The following FAT2 variants were observed in gnomAD, a reference collection of about 807,000 sequenced individuals.
FAT2 encodes protocadherin Fat 2.
Under a neutral mutation model 295.3 loss-of-function variants are expected in FAT2, and 150 were observed. The observed-to-expected ratio is 0.51, with a 90% confidence interval of 0.44 to 0.58. The LOEUF (loss-of-function observed/expected upper bound fraction) is 0.58. Among genes scored for constraint, FAT2 ranks in the 20% least tolerant of loss-of-function variants. The pLI is 0.00. For missense variants in FAT2, 4,868 were observed against 5,442.7 expected (o/e 0.89, Z 3.32); for synonymous variants, 2,026 against 2,150.3 (o/e 0.94, Z 1.60).
chr5:151,534,801 C>T (rs1287975272), intron 12 of FAT2, among the ~76,000 whole-genome samples, 159 bp from the exon 13 acceptor site: 1 of 151,674 alleles, frequency 6.6e-6, no homozygotes, highest in Admixed American at 6.6e-5. Flanking sequence ...CCTGTATCCC[C>T]CCATACCCAT....
chr5:151,523,814 T>C (rs6860047), intron 18 of FAT2, among the ~76,000 whole-genome samples: 102,445 of 151,934 alleles, frequency 0.67, 34,942 homozygotes, highest in East Asian at 0.92. Context: ...TGGGAAATAA[T>C]GTGCAAAACA....
chr5:151,513,319 A>C (rs1464827010), intron 20 of FAT2, among the ~76,000 whole-genome samples: 1 of 152,230 alleles, frequency 6.6e-6, no homozygotes, highest in Non-Finnish European at 1.5e-5. Flanking sequence ...CACTTTTCAC[A>C]ATAGCAAAGA....
At position 151,527,984 on chromosome 5, in the gene FAT2, C is replaced by G; in HGVS notation, c.10164+12G>C. 6.2e-7 allele frequency: 1 copy of G among 1,613,484 alleles called. No homozygotes were observed. Among genetic ancestry groups the G allele is most frequent in the Non-Finnish European group, 8.5e-7 (1 of 1,179,820 alleles). On this transcript the variant is annotated intron_variant, in intron 16 of 23. Transcript: ENST00000261800. Reference sequence around the variant, plus strand: ...TAATGAGCTCAGGGTGCGCCCCTCCCACATGACTCACCTGTTCCCGGTCCA... The same window carrying G: ...TAATGAGCTCAGGGTGCGCCCCTCCGACATGACTCACCTGTTCCCGGTCCA...
At chr5:151,525,736 G>A in intron 18 of FAT2, 32 bp downstream of exon 18, 1 of 1,612,032 alleles carries the variant, frequency 6.2e-7, no homozygotes, top group Non-Finnish European at 8.5e-7. Context: ...CTGTCCCCAT[G>A]GTCACCACCA....
At chr5:151,556,669 G>A (rs1757719321) in intron 3 of FAT2, among the ~76,000 whole-genome samples, 2 of 152,122 alleles carry the variant, frequency 1.3e-5, no homozygotes, top group African/African-American at 4.8e-5. Flanking sequence ...AAATACTGAA[G>A]TATTGAGTAC....
At position 151,504,602 on chromosome 5, in the gene FAT2, A is replaced by G. The variant is rs1439286322; in HGVS notation, c.*963T>C. 1 of 152,670 alleles carries G rather than the reference A, an allele frequency of 6.6e-6. No individual in the cohort carries two copies. The highest frequency in any genetic ancestry group is 1.5e-5 in the Non-Finnish European group (1 of 68,044). 9.5% of individuals were successfully genotyped at this position (152,670 alleles called of 1,614,324 possible). A position where few individuals can be genotyped will look rare whatever the true frequency, so the allele number is the denominator to read the frequency against. Reference sequence around the variant, plus strand: ...TCCCTGCTTCCAACCGGCCCTAAATAGGAGTTCAGACTTCCTTGTGTCTAG... The same window carrying G: ...TCCCTGCTTCCAACCGGCCCTAAATGGGAGTTCAGACTTCCTTGTGTCTAG... On this transcript the variant is annotated 3_prime_UTR_variant, in exon 24 of 24. Coordinates refer to ENST00000261800, the MANE Select transcript of FAT2 (RefSeq NM_001447.3).
At chr5:151,532,026 C>CT in intron 13 of FAT2, 56 bp from the exon 14 acceptor site, 3 of 1,585,582 alleles carry the variant, frequency 1.9e-6, no homozygotes, top group Non-Finnish European at 2.6e-6. Context: ...CTGGACCTGC[C>CT]TGCAGCAAAC....
At position 151,514,319 on chromosome 5, in the gene FAT2, C is replaced by T. The variant is rs78079628; in HGVS notation, c.11464-1713G>A. ...TGGGACCACAAATCTGTTGATCCCACCGTCTTTTCATTGTCTCCCACCTCT... is the reference window on the plus strand; with the variant it reads ...TGGGACCACAAATCTGTTGATCCCATCGTCTTTTCATTGTCTCCCACCTCT... On this transcript the variant is annotated intron_variant, in intron 20 of 23. Transcript: ENST00000261800. Among the ~76,000 whole-genome samples, 566 of 152,272 alleles carry T rather than the reference C, an allele frequency of 3.7e-3. 1 individual carries two copies. The highest frequency in any genetic ancestry group is 0.013 in the African/African-American group (540 of 41,534).
Position 151,566,274 on chromosome 5 carries a change from C to T in FAT2, c.2658G>A (p.Glu886=), listed in dbSNP as rs1758258134. 1.2e-6 allele frequency: 2 copies of T among 1,614,134 alleles called. No homozygotes were observed. The highest frequency in any genetic ancestry group is 4.5e-5 in the East Asian group (2 of 44,882). ...CCTCCACCTTGAGTATGTACCGAGG[C>T]TCTGATTCGCGGTCCAGGTGTCCTG... The part of the protein sequence containing the change: ...VVTGHLDRES[E]PRYILKVEAR... The change falls in exon 2 of 24, where the codon GAG becomes GAA. Residue 886 remains glutamate, a synonymous_variant. Coordinates refer to ENST00000261800, the MANE Select transcript of FAT2 (RefSeq NM_001447.3).
At chr5:151,581,309 C>A (rs895395309) in intron 1 of FAT2, among the ~76,000 whole-genome samples, 1 of 152,208 alleles carries the variant, frequency 6.6e-6, no homozygotes, top group Non-Finnish European at 1.5e-5. Flanking sequence ...CTTGAGGTAG[C>A]TGCTGTGATG....
chr5:151,512,669 G>T lies in FAT2; in HGVS notation c.11464-63C>A. The T allele has an allele frequency of 7.1e-7, 1 of 1,405,150 alleles. No individual in the cohort carries two copies. The highest frequency in any genetic ancestry group is 1.4e-5 in the African/African-American group (1 of 69,460). The allele number at this position is 1,405,150 out of a possible 1,614,324, so 87.0% of individuals were successfully genotyped here. A position where few individuals can be genotyped will look rare whatever the true frequency, so the allele number is the denominator to read the frequency against. ...GGAGTCCTTGTAAACCTGCTAAGAGGCTGCCAGTTCAAAGAATGTTGTTTG... is the reference window on the plus strand; with the variant it reads ...GGAGTCCTTGTAAACCTGCTAAGAGTCTGCCAGTTCAAAGAATGTTGTTTG... On this transcript the variant is annotated intron_variant, in intron 20 of 23. Transcript: ENST00000261800. This position sits in a 1 kb window ranked among gnomAD's most constrained non-coding sequence, Gnocchi z 4.1.
chr5:151,511,851 GAGA>G, intron 21 of FAT2: 2 of 310,350 alleles, frequency 6.4e-6, no homozygotes. Flanking sequence ...AAAGGGGAAT[GAGA>G]AGGAGACTGT....
chr5:151,538,322 G>A (rs1755702070), intron 11 of FAT2, among the ~76,000 whole-genome samples: 1 of 152,212 alleles, frequency 6.6e-6, no homozygotes, highest in African/African-American at 2.4e-5. Context: ...GGAGAAGGAA[G>A]GCAAGATGGG....
intron 12 of FAT2, among the ~76,000 whole-genome samples, 171 bp downstream of exon 12, chr5:151,537,622 A>C (rs1356848872): frequency 6.6e-6 from 1 of 152,256 alleles, no homozygotes; most frequent in Non-Finnish European, 1.5e-5. Context: ...ATCTTGTCTT[A>C]TCAATCTATT....
chr5:151,524,780 T>C (rs6865697), intron 18 of FAT2, among the ~76,000 whole-genome samples: 17,086 of 152,156 alleles, frequency 0.11, 1,769 homozygotes, highest in African/African-American at 0.28. Flanking sequence ...CTTCAGGCTC[T>C]TTCCCAACTC....
At chr5:151,591,957 C>T (rs770968604), upstream of FAT2, among the ~76,000 whole-genome samples, 2 of 152,164 alleles carry the variant, frequency 1.3e-5, no homozygotes, top group African/African-American at 4.8e-5. Flanking sequence ...CTGTGACTTC[C>T]CCACACCTGA....
At chr5:151,541,886 A>G (rs980604634) in intron 10 of FAT2, among the ~76,000 whole-genome samples, 2 of 152,254 alleles carry the variant, frequency 1.3e-5, no homozygotes, top group South Asian at 2.1e-4. Context: ...ATCATTCACA[A>G]CTTTACCTGG....
chr5:151,567,095 T>TTAGATCAAAATACTCTAGTTC lies in FAT2; in HGVS notation c.1816_1836dup (p.Glu606_Leu612dup). ...AGGGATATCACTCCGGAGAAATGAT[T>TTAGATCAAAATACTCTAGTTC]TAGATCAAAATACTCTAGTTCATTG... On this transcript the variant is annotated inframe_insertion, in exon 2 of 24. Transcript: ENST00000261800. 3 of 1,614,148 alleles carry TTAGATCAAAATACTCTAGTTC rather than the reference T, an allele frequency of 1.9e-6. No homozygotes were observed. In the East Asian group the frequency reaches 6.7e-5, roughly 36 times the overall value.
In FAT2 at chr5:151,565,999, G is replaced by C. The variant is rs1758242648; in HGVS notation, c.2933C>G (p.Thr978Arg). 1 of 1,614,000 alleles carries C rather than the reference G, an allele frequency of 6.2e-7. No individual in the cohort carries two copies. Among genetic ancestry groups the C allele is most frequent in the Non-Finnish European group, 8.5e-7 (1 of 1,180,034 alleles). The change falls in exon 2 of 24, where the codon ACA becomes AGA. Residue 978 changes from threonine (T) to arginine (R), a missense_variant. Thr to Arg is a moderately conservative substitution (Grantham distance 71). This residue lies in a region of FAT2 where 3,297 missense variants were observed against 3,669.4 expected (regional missense o/e 0.90). Transcript: ENST00000261800. ...AHGTFRVDLM[T>R]GALILERELD... ...CTCTCTCTCCAGAATGAGCGCCCCT[G>C]TCATCAGGTCCACCCGGAAGGTCCC...
Sources: allele counts gnomAD v4.1 joint callset (sites outside exome capture counted in the v4.1 genomes callset), GRCh38; gene constraint gnomAD v4.1.1; regional missense constraint gnomAD v4.1.1; non-coding constraint Gnocchi (gnomAD v3.1); transcripts MANE v1.5; gene names NCBI Gene and HGNC (gene_info 2026-07-23, HGNC 2026-07-21).